PCDHGA8: variants seen among roughly 807,000 people sequenced by gnomAD.
PCDHGA8 encodes protocadherin gamma-A8.
A neutral mutation model predicts 59.2 loss-of-function variants in PCDHGA8; 45 were observed. That is an observed-to-expected ratio of 0.76 (90% CI 0.60 to 0.98). The LOEUF (loss-of-function observed/expected upper bound fraction) is 0.98. Among genes scored for constraint, PCDHGA8 ranks in the 50% least tolerant of loss-of-function variants. The pLI, the probability that PCDHGA8 is intolerant of heterozygous loss-of-function variation, is 0.00. For synonymous variants in PCDHGA8, 531 were observed against 519.0 expected, an observed-to-expected ratio of 1.02 and a Z score of -0.32; for missense variants, 1,257 against 1,196.2, an observed-to-expected ratio of 1.05 and a Z score of -0.75.
At chr5:141,468,783 G>A (rs908838744) in intron 1 of PCDHGA8, among the ~76,000 whole-genome samples, 7 of 151,460 alleles carry the variant, frequency 4.6e-5, no homozygotes, top group South Asian at 2.1e-4. Context: ...GGAGAATGGC[G>A]TGAACCCGGG....
At position 141,450,754 on chromosome 5, in the gene PCDHGA8, C is replaced by T. The variant is rs192088793; in HGVS notation, c.2425-44053C>T. Among the ~76,000 whole-genome samples, 54 of 151,098 alleles carry T rather than the reference C, an allele frequency of 3.6e-4. 1 individual carries two copies. Among genetic ancestry groups the T allele is most frequent in the African/African-American group, 1.1e-3 (47 of 41,192 alleles). ...CGCCCGCCTTGGCCTCCCAAAGTGC[C>T]GGGATTACAGGCATGAGCCACCGTG... On this transcript the variant is annotated intron_variant, in intron 1 of 3. Transcript: ENST00000398604.
intron 1 of PCDHGA8, among the ~76,000 whole-genome samples, chr5:141,426,066 A>T (rs1488003387): frequency 6.6e-6 from 1 of 152,196 alleles, no homozygotes; most frequent in Admixed American, 6.5e-5. Context: ...CAAGAACTGG[A>T]GCCTGGGATC....
chr5:141,427,028 C>T (rs960885416), intron 1 of PCDHGA8: 12 of 456,928 alleles, frequency 2.6e-5, no homozygotes, highest in Admixed American at 2.1e-4. Flanking sequence ...ACAAAGTCAG[C>T]CTTAGAGAGA....
chr5:141,441,927 G>A (rs2098285195), intron 1 of PCDHGA8: 2 of 354,242 alleles, frequency 5.6e-6, no homozygotes, highest in Non-Finnish European at 1.1e-5. Flanking sequence ...ACAATGCGTG[G>A]CTGTCCTACC....
chr5:141,479,606 T>TA (rs1315315740), intron 1 of PCDHGA8: 1 of 152,184 alleles, frequency 6.6e-6, no homozygotes, highest in Non-Finnish European at 1.5e-5. Context: ...GCCTAGGCAA[T>TA]ATAGGGAAAC....
chr5:141,409,828 C>CG (rs2095322406), intron 1 of PCDHGA8: 1 of 1,611,010 alleles, frequency 6.2e-7, no homozygotes, highest in African/African-American at 1.3e-5. Flanking sequence ...CGCCCACGCT[C>CG]AGCGCCAACG....
intron 1 of PCDHGA8, chr5:141,404,714 G>T (rs776337117): frequency 6.2e-7 from 1 of 1,614,068 alleles, no homozygotes; most frequent in Non-Finnish European, 8.5e-7. Context: ...TGGCTACCTG[G>T]TGACCAAGGT....
intron 1 of PCDHGA8, chr5:141,421,585 G>A: frequency 1.2e-6 from 2 of 1,613,916 alleles, no homozygotes; most frequent in Non-Finnish European, 1.7e-6. Context: ...GATTTACGGA[G>A]TGGAGGTGGA....
chr5:141,455,852 T>C (rs2154565235), intron 1 of PCDHGA8, among the ~76,000 whole-genome samples: 1 of 148,622 alleles, frequency 6.7e-6, no homozygotes, highest in South Asian at 2.1e-4. Context: ...CATAAAATAA[T>C]TTCTTTTATT....
chr5:141,399,311 A>G, intron 1 of PCDHGA8: 1 of 1,613,970 alleles, frequency 6.2e-7, no homozygotes, highest in Non-Finnish European at 8.5e-7. Flanking sequence ...TCTTCATCCA[A>G]AAATTCGTAT....
At chr5:141,429,378 T>TTTG (rs2097208019) in intron 1 of PCDHGA8, among the ~76,000 whole-genome samples, 1 of 105,336 alleles carries the variant, frequency 9.5e-6, no homozygotes, top group African/African-American at 5.2e-5. Flanking sequence ...AGAAAATGTG[T>TTTG]TTTTTTTTTA....
rs61612330 is a variant in PCDHGA8, at chr5:141,454,796, A to ATTTTTTTTTTTTTTTTT, written c.2425-39998_2425-39982dup. Among the ~76,000 whole-genome samples the ATTTTTTTTTTTTTTTTT allele has an allele frequency of 1.9e-3, 147 of 77,454 alleles. 11 individuals carry two copies. Among genetic ancestry groups the ATTTTTTTTTTTTTTTTT allele is most frequent in the Middle Eastern group, 0.017 (2 of 120 alleles). 50.8% of individuals were successfully genotyped at this position (77,454 alleles called of 152,430 possible). ...AAGGAAATAATCCTCCATGGTTCTA[A>ATTTTTTTTTTTTTTTTT]TTTTTTTTTTTTTTTTTTTTTTTTT... On this transcript the variant is annotated intron_variant, in intron 1 of 3. Coordinates refer to ENST00000398604, the MANE Select transcript of PCDHGA8 (RefSeq NM_032088.2).
intron 1 of PCDHGA8, chr5:141,408,622 A>C (rs1481022505): frequency 6.2e-7 from 1 of 1,614,070 alleles, no homozygotes; most frequent in Admixed American, 1.7e-5. Flanking sequence ...AAATACATTT[A>C]GAAATTTTCG....
chr5:141,440,056 G>A, intron 1 of PCDHGA8: 1 of 152,648 alleles, frequency 6.6e-6, no homozygotes, highest in East Asian at 1.9e-4. Flanking sequence ...GAAAGCTTCG[G>A]GTTAATGCTG....
At chr5:141,433,028 G>C in intron 1 of PCDHGA8, 1 of 1,614,116 alleles carries the variant, frequency 6.2e-7, no homozygotes, top group Non-Finnish European at 8.5e-7. Context: ...TTCCCACGAG[G>C]TTTCCCTCAC....
intron 1 of PCDHGA8, chr5:141,398,909 T>A: frequency 6.2e-7 from 1 of 1,613,984 alleles, no homozygotes; most frequent in Non-Finnish European, 8.5e-7. Context: ...GGCACCACTG[T>A]GTTGCAAGTG....
intron 1 of PCDHGA8, chr5:141,410,911 T>C (rs927103159): frequency 2.6e-5 from 7 of 267,884 alleles, no homozygotes; most frequent in African/African-American, 7.8e-5. Flanking sequence ...TGGAGTGCAG[T>C]GGCGTGATCT....
At chr5:141,422,716 G>A (rs1348237465) in intron 1 of PCDHGA8, 1 of 1,604,378 alleles carries the variant, frequency 6.2e-7, no homozygotes, top group Non-Finnish European at 8.5e-7. Flanking sequence ...GGATGACACT[G>A]TCCAGGGGGT....
chr5:141,399,569 G>A (rs1192197329), intron 1 of PCDHGA8: 1 of 1,613,888 alleles, frequency 6.2e-7, no homozygotes, highest in Non-Finnish European at 8.5e-7. Context: ...GGGTTGAACG[G>A]CCAAGTCTCC....
Sources: allele counts gnomAD v4.1 joint callset (sites outside exome capture counted in the v4.1 genomes callset), GRCh38; gene constraint gnomAD v4.1.1; transcripts MANE v1.5; gene names NCBI Gene and HGNC (gene_info 2026-07-23, HGNC 2026-07-21).